The following TSGA13 variants were observed in gnomAD, a reference collection of about 807,000 sequenced individuals.
The protein encoded by TSGA13 is testis-specific gene 13 protein.
Under a neutral mutation model 35.1 loss-of-function variants are expected in TSGA13, and 37 were observed. The observed-to-expected ratio is 1.05, with a 90% CI of 0.81 to 1.39. TSGA13 has a LOEUF of 1.39. TSGA13 is among the 40% of genes most tolerant of loss of function. The pLI is 0.00. For synonymous variants in TSGA13, 124 were observed against 121.2 expected (o/e 1.02, Z -0.15); for missense variants, 338 against 328.5 (o/e 1.03, Z -0.22).
chr7:130,682,473 G>A (rs1265314445), intron 3 of TSGA13, among the ~76,000 whole-genome samples: 1 of 151,276 alleles, frequency 6.6e-6, no homozygotes, highest in Non-Finnish European at 1.5e-5. Context: ...TAACTCTTGG[G>A]CTCAAGTGAT....
chr7:130,685,127 T>TA, intron 2 of TSGA13, 61 bp downstream of exon 2: 1 of 1,520,812 alleles, frequency 6.6e-7, no homozygotes, highest in Non-Finnish European at 9.1e-7. Context: ...TGCTGTGGGC[T>TA]ATGCAATAAG....
chr7:130,682,667 T>C (rs1796575558), intron 3 of TSGA13, among the ~76,000 whole-genome samples: 2 of 152,092 alleles, frequency 1.3e-5, no homozygotes, highest in African/African-American at 2.4e-5. Flanking sequence ...GCAAGAGGGC[T>C]AATGGAGAAG....
intron 5 of TSGA13, among the ~76,000 whole-genome samples, chr7:130,678,465 T>C (rs1796463675): frequency 6.6e-6 from 1 of 152,270 alleles, no homozygotes; most frequent in Non-Finnish European, 1.5e-5. Context: ...CATCATTCTT[T>C]ACTCCTTTCC....
At chr7:130,673,523 A>G (rs567158697) in intron 5 of TSGA13, among the ~76,000 whole-genome samples, 37 of 152,258 alleles carry the variant, frequency 2.4e-4, no homozygotes, top group African/African-American at 8.7e-4. Context: ...TTTACCCTAT[A>G]GTCCAGAAGG....
chr7:130,671,536 G>A, intron 7 of TSGA13, 125 bp downstream of exon 7: 1 of 1,125,686 alleles, frequency 8.9e-7, no homozygotes, highest in Non-Finnish European at 1.2e-6. Context: ...CCATGCTATA[G>A]GGAAAAATAG....
chr7:130,674,247 A>G (rs1307125543), intron 5 of TSGA13, among the ~76,000 whole-genome samples: 7 of 117,842 alleles, frequency 5.9e-5, no homozygotes, highest in African/African-American at 2.3e-4. Context: ...ATCTCGGCTC[A>G]CTACAACCTC....
chr7:130,680,799 G>A (rs1584640059), intron 4 of TSGA13, 147 bp downstream of exon 4: 1 of 695,754 alleles, frequency 1.4e-6, no homozygotes, highest in East Asian at 2.7e-5. Context: ...TCATAACCTA[G>A]AGGCAGCTCT....
intron 3 of TSGA13, 23 bp downstream of exon 3, chr7:130,683,571 G>T: frequency 1.2e-6 from 2 of 1,602,636 alleles, no homozygotes; most frequent in South Asian, 2.3e-5. Context: ...ATTAAACATT[G>T]AACACTTACT....
intron 5 of TSGA13, among the ~76,000 whole-genome samples, chr7:130,676,179 A>T (rs782260500): frequency 3.3e-5 from 5 of 152,230 alleles, no homozygotes; most frequent in African/African-American, 4.8e-5. Context: ...TTTACAAAAG[A>T]TTATCACATT....
intron 5 of TSGA13, among the ~76,000 whole-genome samples, chr7:130,678,762 C>T (rs2116318064): frequency 6.6e-6 from 1 of 152,266 alleles, no homozygotes; most frequent in African/African-American, 2.4e-5. Flanking sequence ...TGGCTCACAC[C>T]TATAATCCCA....
rs1487108282 is a variant in TSGA13, at chr7:130,668,895, C to T, written c.*119G>A. The T allele has an allele frequency of 2.1e-6, 3 of 1,459,086 alleles. No individual in the cohort carries two copies. The highest frequency in any genetic ancestry group is 2.8e-6 in the Non-Finnish European group (3 of 1,088,228). 90.4% of individuals were successfully genotyped at this position (1,459,086 alleles called of 1,614,324 possible). ...GCCGGAGACTTCGGCTCGACCCTCC[C>T]GGCTTGCGACCCGGGAGCCCACGCC... On this transcript the variant is annotated 3_prime_UTR_variant, in exon 8 of 8. Coordinates refer to ENST00000356588, the MANE Select transcript of TSGA13 (RefSeq NM_052933.4).
chr7:130,669,292 T>C, intron 7 of TSGA13, 109 bp from the exon 8 acceptor site: 1 of 1,373,756 alleles, frequency 7.3e-7, no homozygotes, highest in Non-Finnish European at 1.0e-6. Flanking sequence ...GAGGCTGGTC[T>C]TTAGAGGGTA....
intron 5 of TSGA13, among the ~76,000 whole-genome samples, chr7:130,677,113 C>T (rs1344214689): frequency 6.6e-6 from 1 of 152,098 alleles, no homozygotes; most frequent in Non-Finnish European, 1.5e-5. Context: ...AGGATGGTCT[C>T]AATCTCCTGA....
Position 130,668,867 on chromosome 7 carries a change from C to A in TSGA13, c.*147G>T. 7.3e-7 allele frequency: 1 copy of A among 1,374,200 alleles called. No homozygotes were observed. The highest frequency in any genetic ancestry group is 9.8e-7 in the Non-Finnish European group (1 of 1,019,656). The allele number at this position is 1,374,200 out of a possible 1,614,324, so 85.1% of individuals were successfully genotyped here. On this transcript the variant is annotated 3_prime_UTR_variant, in exon 8 of 8. Coordinates refer to ENST00000356588, the MANE Select transcript of TSGA13 (RefSeq NM_052933.4). ...GCCACGCCCCCTTCTCCTCTTGCGG[C>A]CCGCCGGAGACTTCGGCTCGACCCT...
intron 7 of TSGA13, among the ~76,000 whole-genome samples, chr7:130,670,160 GT>G (rs1215447139): frequency 6.6e-6 from 1 of 152,188 alleles, no homozygotes; most frequent in East Asian, 1.9e-4. Flanking sequence ...ACCACAGGTT[GT>G]TTTTAGCTGT....
intron 2 of TSGA13, among the ~76,000 whole-genome samples, 168 bp downstream of exon 2, chr7:130,685,020 T>C (rs1255788948): frequency 6.6e-6 from 1 of 152,154 alleles, no homozygotes; most frequent in African/African-American, 2.4e-5. Flanking sequence ...AAAGCAACCA[T>C]GAAATACAGA....
rs1189860310 is a variant in TSGA13 at position 130,686,350 on chromosome 7, T to C, written c.-239A>G. The C allele has an allele frequency of 6.6e-6, 1 of 152,184 alleles. No individual in the cohort carries two copies. The highest frequency in any genetic ancestry group is 1.5e-5 in the Non-Finnish European group (1 of 68,016). 9.4% of individuals were successfully genotyped at this position (152,184 alleles called of 1,614,324 possible). A position where few individuals can be genotyped will look rare whatever the true frequency, so the allele number is the denominator to read the frequency against. On this transcript the variant is annotated 5_prime_UTR_variant, in exon 1 of 8. Coordinates refer to ENST00000356588, the MANE Select transcript of TSGA13 (RefSeq NM_052933.4). ...CTGTCAAATTGGGCAGTATAAGTCT[T>C]GGGTTGCTAGTCTGCAGGCCAGGCT...
chr7:130,685,228 T>C lies in TSGA13; in HGVS notation c.-18A>G. 2 of 1,613,116 alleles carry C rather than the reference T, an allele frequency of 1.2e-6. No individual in the cohort carries two copies. The highest frequency in any genetic ancestry group is 2.2e-5 in the East Asian group (1 of 44,826). ...TGGCTCATTGCTGTTGACTGCTAGT[T>C]GGCCAACCCAAGGCAGGTATTCACC... On this transcript the variant is annotated 5_prime_UTR_variant, in exon 2 of 8. Transcript: ENST00000356588.
At position 130,670,725 on chromosome 7, in the gene TSGA13, T is replaced by A. The variant is rs1453004871; in HGVS notation, c.658+936A>T. Among the ~76,000 whole-genome samples, 6 of 152,134 alleles carry A rather than the reference T, an allele frequency of 3.9e-5. No homozygotes were observed. In the East Asian group the frequency reaches 9.6e-4, roughly 24 times the overall value. On this transcript the variant is annotated intron_variant, in intron 7 of 7. Transcript: ENST00000356588. ...ACCTTGAACTCCTAGGTTCAAGCAATCCTCCTTCCTCAAGCCCCCCAAGTA... is the reference window on the plus strand; with the variant it reads ...ACCTTGAACTCCTAGGTTCAAGCAAACCTCCTTCCTCAAGCCCCCCAAGTA...
Sources: gnomAD v4.1 joint callset for allele counts (sites outside exome capture counted in the v4.1 genomes callset) on GRCh38, gnomAD v4.1.1 for gene constraint, MANE v1.5 for transcripts, NCBI Gene and HGNC (gene_info 2026-07-23, HGNC 2026-07-21) for gene names.